Variants in MAGI1 observed in about 807,000 individuals in gnomAD.
MAGI1 encodes membrane associated guanylate kinase, WW and PDZ domain containing 1.
A neutral mutation model predicts 139.9 loss-of-function variants in MAGI1; 58 were observed. That is an observed-to-expected ratio of 0.41 (90% CI 0.34 to 0.52). MAGI1 has a LOEUF of 0.52. MAGI1 is among the 20% of genes least tolerant of loss of function. The probability of loss-of-function intolerance (pLI) is 0.12; values close to 1 mark genes in which losing one functional copy is unlikely to be tolerated. For synonymous variants in MAGI1, 812 were observed against 737.9 expected (o/e 1.10, Z -1.63); for missense variants, 1,874 against 1,901.6 (o/e 0.99, Z 0.27).
At chr3:65,875,879 T>C (rs1396385800) in intron 1 of MAGI1, among the ~76,000 whole-genome samples, 1 of 152,146 alleles carries the variant, frequency 6.6e-6, no homozygotes, top group South Asian at 2.1e-4. Context: ...ATTGCACAGA[T>C]GAGGAACTGT....
At chr3:65,498,033 T>C (rs111940885) in intron 2 of MAGI1, among the ~76,000 whole-genome samples, 9 of 152,242 alleles carry the variant, frequency 5.9e-5, no homozygotes, top group Non-Finnish European at 1.3e-4. Context: ...CCAGGCTCTA[T>C]TCACCGATGT....
chr3:65,739,864 C>T (rs991285869), intron 1 of MAGI1, among the ~76,000 whole-genome samples: 1 of 152,010 alleles, frequency 6.6e-6, no homozygotes, highest in Non-Finnish European at 1.5e-5. Flanking sequence ...CCAAGACAGA[C>T]AGAACAAGGA....
intron 1 of MAGI1, among the ~76,000 whole-genome samples, chr3:65,960,870 C>T (rs994165536): frequency 6.6e-6 from 1 of 152,172 alleles, no homozygotes; most frequent in Non-Finnish European, 1.5e-5. Context: ...AGTTGAAATA[C>T]CCCAGTTAAA....
chr3:65,667,248 T>C (rs188631889), intron 1 of MAGI1, among the ~76,000 whole-genome samples: 19 of 152,294 alleles, frequency 1.2e-4, no homozygotes, highest in African/African-American at 4.6e-4. Flanking sequence ...AGGACTACAG[T>C]ATGTGGGTAT....
chr3:65,529,960 T>C (rs2078565185), intron 2 of MAGI1, among the ~76,000 whole-genome samples: 1 of 152,174 alleles, frequency 6.6e-6, no homozygotes, highest in South Asian at 2.1e-4. Context: ...CACCTTCACA[T>C]TTGGAATGTC....
chr3:65,731,663 T>TAAA (rs35714265), intron 1 of MAGI1, among the ~76,000 whole-genome samples: 1 of 112,914 alleles, frequency 8.9e-6, no homozygotes, highest in Non-Finnish European at 2.0e-5. Context: ...TCAAAAAATT[T>TAAA]AAAAAAAAAA....
intron 1 of MAGI1, among the ~76,000 whole-genome samples, chr3:65,892,267 C>T (rs571629660): frequency 6.6e-6 from 1 of 152,150 alleles, no homozygotes; most frequent in Non-Finnish European, 1.5e-5. Flanking sequence ...ATGTCTCAAT[C>T]CATGGTCCTC....
At chr3:65,957,506 G>C (rs2064184923) in intron 1 of MAGI1, among the ~76,000 whole-genome samples, 1 of 125,578 alleles carries the variant, frequency 8.0e-6, no homozygotes, top group African/African-American at 3.1e-5. Context: ...TGGCCACAGA[G>C]CAAGACTTCA....
chr3:65,929,189 G>C (rs1266214161), intron 1 of MAGI1, among the ~76,000 whole-genome samples: 1 of 151,948 alleles, frequency 6.6e-6, no homozygotes, highest in Non-Finnish European at 1.5e-5. Flanking sequence ...CTGTGACAAT[G>C]AACCTGTTTG....
At chr3:65,480,923 A>T (rs996954288) in intron 3 of MAGI1, among the ~76,000 whole-genome samples, 1 of 152,104 alleles carries the variant, frequency 6.6e-6, no homozygotes, top group African/African-American at 2.4e-5. Flanking sequence ...AAGTTTTAAA[A>T]TTTTTTAAAA....
At chr3:65,361,443 G>A in intron 21 of MAGI1, 106 bp from the exon 22 acceptor site, 1 of 1,103,964 alleles carries the variant, frequency 9.1e-7, no homozygotes. Flanking sequence ...AGGTGGCAGT[G>A]ACAAAAACAA....
At chr3:65,636,203 T>A (rs1009119629) in intron 1 of MAGI1, among the ~76,000 whole-genome samples, 1 of 152,212 alleles carries the variant, frequency 6.6e-6, no homozygotes, top group Non-Finnish European at 1.5e-5. Context: ...ACTTATTTCA[T>A]ATGTTGCCAA....
At chr3:65,550,525 C>A (rs1193843108) in intron 2 of MAGI1, among the ~76,000 whole-genome samples, 13 of 152,210 alleles carry the variant, frequency 8.5e-5, no homozygotes, top group Non-Finnish European at 1.9e-4. Context: ...CCTGTCACCT[C>A]CGGGCAGCTC....
intron 1 of MAGI1, among the ~76,000 whole-genome samples, chr3:65,906,829 T>A (rs1384611201): frequency 6.7e-6 from 1 of 149,232 alleles, no homozygotes; most frequent in Non-Finnish European, 1.5e-5. Context: ...GAGGTTGCAG[T>A]GAGCCAAGAT....
intron 2 of MAGI1, among the ~76,000 whole-genome samples, chr3:65,548,038 G>A (rs1414659323): frequency 2.0e-5 from 3 of 152,114 alleles, no homozygotes; most frequent in African/African-American, 4.8e-5. Flanking sequence ...TCAAGCAAAG[G>A]TCTCCAATAA....
chr3:65,933,602 G>A (rs1366986824), intron 1 of MAGI1, among the ~76,000 whole-genome samples: 1 of 152,112 alleles, frequency 6.6e-6, no homozygotes, highest in Non-Finnish European at 1.5e-5. Context: ...AGCTTAGGAG[G>A]AGTCCATACA....
At chr3:65,959,235 G>A (rs1445094136) in intron 1 of MAGI1, among the ~76,000 whole-genome samples, 10 of 152,074 alleles carry the variant, frequency 6.6e-5, no homozygotes, top group Non-Finnish European at 1.3e-4. Context: ...GCATTCAAAC[G>A]TTCTCTGATT....
rs59887286 is a variant in MAGI1 at position 65,610,751 on chromosome 3, C to CTATATATATATATATATAT, written c.430+11220_430+11221insATATATATATATATATATA. Reference sequence around the variant, plus strand: ...ACAAATATAGTATATAGTATATATACAGTATATATATAGCATATATATATA... The same window carrying CTATATATATATATATATAT: ...ACAAATATAGTATATAGTATATATACTATATATATATATATATATAGTATATATATAGCATATATATATA... On this transcript the variant is annotated intron_variant, in intron 2 of 22. Coordinates refer to ENST00000402939, the MANE Select transcript of MAGI1 (RefSeq NM_001033057.2). 5.1e-3 allele frequency among the ~76,000 whole-genome samples: 109 copies of CTATATATATATATATATAT among 21,182 alleles called. 9 individuals carry two copies. Among genetic ancestry groups the CTATATATATATATATATAT allele is most frequent in the Non-Finnish European group, 0.01 (58 of 5,770 alleles). 13.9% of individuals were successfully genotyped at this position (21,182 alleles called of 152,430 possible).
intron 1 of MAGI1, among the ~76,000 whole-genome samples, chr3:65,768,713 G>A (rs950678455): frequency 2.6e-5 from 4 of 152,152 alleles, no homozygotes; most frequent in Non-Finnish European, 4.4e-5. Flanking sequence ...GATTTTTCCA[G>A]TTGTGGTAGA....
Sources: gnomAD v4.1 joint callset for allele counts (sites outside exome capture counted in the v4.1 genomes callset) on GRCh38, gnomAD v4.1.1 for gene constraint, MANE v1.5 for transcripts, NCBI Gene and HGNC (gene_info 2026-07-23, HGNC 2026-07-21) for gene names.